Variants in MAP4K3 observed in about 807,000 individuals in gnomAD.
MAP4K3 encodes the protein mitogen-activated protein kinase kinase kinase kinase 3, also known as MAPK/ERK kinase kinase kinase 3.
Under a neutral mutation model 143.5 loss-of-function variants are expected in MAP4K3, and 94 were observed. The observed-to-expected ratio is 0.65, with a 90% CI of 0.55 to 0.78. The LOEUF is 0.78. Among genes scored for constraint, MAP4K3 ranks in the 30% least tolerant of loss-of-function variants. The pLI is 0.00. For missense variants in MAP4K3, 1,077 were observed against 1,068.1 expected (o/e 1.01, Z -0.12); for synonymous variants, 416 against 347.2 (o/e 1.20, Z -2.20).
chr2:39,398,497 G>A (rs1358061316), intron 1 of MAP4K3, among the ~76,000 whole-genome samples: 1 of 151,758 alleles, frequency 6.6e-6, no homozygotes, highest in Non-Finnish European at 1.5e-5. Flanking sequence ...AAGGAGAAGG[G>A]ACAGATGGGG....
chr2:39,380,571 A>C (rs1284061956), intron 1 of MAP4K3, among the ~76,000 whole-genome samples: 1 of 152,178 alleles, frequency 6.6e-6, no homozygotes, highest in African/African-American at 2.4e-5. Context: ...TATGTAACAT[A>C]AAATGTTCAT....
At position 39,330,352 on chromosome 2, in the gene MAP4K3, C is replaced by T. The variant is rs898393082; in HGVS notation, c.530+1565G>A. On this transcript the variant is annotated intron_variant, in intron 8 of 33. Coordinates refer to ENST00000263881, the MANE Select transcript of MAP4K3 (RefSeq NM_003618.4). ...AGTGCAATACTTCAAAAACTCTATC[C>T]TAGAATTACCCACCAAAATTATCAA... 4.6e-5 allele frequency among the ~76,000 whole-genome samples: 7 copies of T among 151,992 alleles called. No individual in the cohort carries two copies. The South Asian group carries it at 8.3e-4, about 18-fold the overall frequency.
intron 1 of MAP4K3, among the ~76,000 whole-genome samples, chr2:39,407,815 A>C (rs923180936): frequency 2.0e-5 from 3 of 151,902 alleles, no homozygotes; most frequent in Non-Finnish European, 4.4e-5. Context: ...GGCTCACGTG[A>C]CCCTCCCATC....
intron 28 of MAP4K3, 98 bp downstream of exon 28, chr2:39,265,105 T>A (rs924351860): frequency 1.9e-5 from 17 of 904,786 alleles, no homozygotes; most frequent in Non-Finnish European, 2.8e-5. Context: ...AATCACTAAA[T>A]TAACTTGAAA....
chr2:39,334,696 C>G (rs1683804129), intron 6 of MAP4K3, among the ~76,000 whole-genome samples: 2 of 152,124 alleles, frequency 1.3e-5, no homozygotes, highest in Admixed American at 1.3e-4. Flanking sequence ...ACATTATGGC[C>G]TTTCTCTCCT....
intron 1 of MAP4K3, among the ~76,000 whole-genome samples, chr2:39,428,600 C>T (rs993121718): frequency 9.3e-5 from 14 of 151,342 alleles, no homozygotes; most frequent in African/African-American, 9.7e-5. Flanking sequence ...TGCTTGAACC[C>T]GGAAGGCAGA....
intron 3 of MAP4K3, among the ~76,000 whole-genome samples, chr2:39,354,306 T>A (rs922386208): frequency 1.4e-4 from 22 of 151,994 alleles, no homozygotes; most frequent in African/African-American, 5.3e-4. Context: ...TAGCCGGGTG[T>A]GGTGGCAGGA....
At chr2:39,336,421 G>A (rs757030097) in intron 6 of MAP4K3, among the ~76,000 whole-genome samples, 61 of 122,740 alleles carry the variant, frequency 5.0e-4, no homozygotes, top group African/African-American at 1.8e-3. Flanking sequence ...GCAGTGAGCC[G>A]ACATCGTGCC....
intron 3 of MAP4K3, among the ~76,000 whole-genome samples, chr2:39,351,271 A>G (rs1437995832): frequency 1.3e-5 from 2 of 152,188 alleles, no homozygotes; most frequent in African/African-American, 4.8e-5. Flanking sequence ...CCCTTTGCCA[A>G]AAATTCCAAT....
intron 28 of MAP4K3, among the ~76,000 whole-genome samples, chr2:39,264,063 G>A (rs908087095): frequency 6.6e-6 from 1 of 152,120 alleles, no homozygotes; most frequent in Non-Finnish European, 1.5e-5. Context: ...TAATAGGAGG[G>A]ACATATTTAA....
chr2:39,389,503 C>CA lies in MAP4K3; in HGVS notation c.97-11381dup, dbSNP rs1336669308. On this transcript the variant is annotated intron_variant, in intron 1 of 33. Transcript: ENST00000263881. The stretch of plus-strand genomic sequence containing the variant: ...CATCTAGACACACTACATGAAACTG[C>CA]AAAAAAACTAAAGAAAAAGAAGTGA... Among the ~76,000 whole-genome samples, 6 of 151,610 alleles carry CA rather than the reference C, an allele frequency of 4.0e-5. No individual in the cohort carries two copies. In the East Asian group the frequency reaches 7.8e-4, roughly 20 times the overall value.
intron 2 of MAP4K3, among the ~76,000 whole-genome samples, chr2:39,367,504 C>A (rs1228744345): frequency 6.6e-6 from 1 of 151,966 alleles, no homozygotes; most frequent in Admixed American, 6.6e-5. Context: ...TGTGCCACTG[C>A]ACTCCAGCCT....
chr2:39,268,957 C>T (rs1680895494), intron 26 of MAP4K3, among the ~76,000 whole-genome samples: 1 of 152,072 alleles, frequency 6.6e-6, no homozygotes, highest in Non-Finnish European at 1.5e-5. Flanking sequence ...AGACAGATTT[C>T]ACCATGTTGC....
chr2:39,436,871 G>C lies in MAP4K3; in HGVS notation c.96+21C>G, dbSNP rs552809350. 5 of 1,582,936 alleles carry C rather than the reference G, an allele frequency of 3.2e-6. No individual in the cohort carries two copies. In the South Asian group the frequency reaches 3.4e-5, roughly 11 times the overall value. Reference sequence around the variant, plus strand: ...GGGTCGGGATCCCACGGCCTCGGCGGCGCGCGGCCCCTGCCTTTACCTTGT... The same window carrying C: ...GGGTCGGGATCCCACGGCCTCGGCGCCGCGCGGCCCCTGCCTTTACCTTGT... On this transcript the variant is annotated intron_variant, in intron 1 of 33. Transcript: ENST00000263881.
At chr2:39,416,004 T>TATATATATATATATATATATATATAA (rs1206690314) in intron 1 of MAP4K3, among the ~76,000 whole-genome samples, 1 of 76,080 alleles carries the variant, frequency 1.3e-5, no homozygotes, top group African/African-American at 6.0e-5. Context: ...TATATATATA[T>TATATATATATATATATATATATATAA]AAAAATAACA....
chr2:39,355,692 T>C (rs1468649118), intron 3 of MAP4K3, among the ~76,000 whole-genome samples: 9 of 152,140 alleles, frequency 5.9e-5, no homozygotes, highest in African/African-American at 9.7e-5. Context: ...CTATGCAATA[T>C]AACCTAAGAA....
chr2:39,417,589 G>A (rs956776941), intron 1 of MAP4K3, among the ~76,000 whole-genome samples: 1 of 152,226 alleles, frequency 6.6e-6, no homozygotes, highest in African/African-American at 2.4e-5. Flanking sequence ...AACAAACCAT[G>A]TGATGCTAGA....
At chr2:39,310,182 G>A (rs999737084) in intron 13 of MAP4K3, among the ~76,000 whole-genome samples, 2 of 152,090 alleles carry the variant, frequency 1.3e-5, no homozygotes, top group African/African-American at 4.8e-5. Context: ...CTCTGCTACT[G>A]AACACTAGAA....
At chr2:39,334,093 T>A (rs1683782526) in intron 6 of MAP4K3, among the ~76,000 whole-genome samples, 1 of 151,980 alleles carries the variant, frequency 6.6e-6, no homozygotes, top group Non-Finnish European at 1.5e-5. Context: ...CATGAGGTTG[T>A]CTATCCTAAT....
Sources: allele counts gnomAD v4.1 joint callset (sites outside exome capture counted in the v4.1 genomes callset), GRCh38; gene constraint gnomAD v4.1.1; transcripts MANE v1.5; gene names NCBI Gene and HGNC (gene_info 2026-07-23, HGNC 2026-07-21).